Variants in CLSTN2 observed in about 807,000 individuals in gnomAD.
The protein encoded by CLSTN2 is calsyntenin-2.
In CLSTN2, 48 loss-of-function variants were observed where a neutral mutation model predicts 101.2. The observed-to-expected ratio is 0.47, with a 90% confidence interval of 0.38 to 0.60. The LOEUF (loss-of-function observed/expected upper bound fraction) is 0.60. Among genes scored for constraint, CLSTN2 ranks in the 20% least tolerant of loss-of-function variants. The probability of loss-of-function intolerance (pLI) is 0.00; values close to 1 mark genes in which losing one functional copy is unlikely to be tolerated. For synonymous variants in CLSTN2, 481 were observed against 463.6 expected, an observed-to-expected ratio of 1.04 and a Z score of -0.48; for missense variants, 1,160 against 1,238.2, an observed-to-expected ratio of 0.94 and a Z score of 0.95.
At chr3:140,291,633 C>A (rs1208155056) in intron 2 of CLSTN2, among the ~76,000 whole-genome samples, 1 of 151,816 alleles carries the variant, frequency 6.6e-6, no homozygotes, top group Non-Finnish European at 1.5e-5. Context: ...TGGCAACTTC[C>A]CCCATCTCCA....
intron 2 of CLSTN2, among the ~76,000 whole-genome samples, chr3:140,400,901 T>G (rs888712769): frequency 1.3e-5 from 2 of 152,186 alleles, no homozygotes; most frequent in Admixed American, 1.3e-4. Context: ...CACCACATTC[T>G]TAGGGAGGCC....
intron 1 of CLSTN2, among the ~76,000 whole-genome samples, chr3:139,947,565 G>T (rs940095843): frequency 2.0e-5 from 3 of 152,144 alleles, no homozygotes; most frequent in Non-Finnish European, 4.4e-5. Flanking sequence ...GTGGGAGAAT[G>T]GACCATCATT....
intron 1 of CLSTN2, among the ~76,000 whole-genome samples, chr3:140,011,970 C>T (rs2007083906): frequency 6.6e-6 from 1 of 152,106 alleles, no homozygotes; most frequent in South Asian, 2.1e-4. Context: ...CAATACTTCA[C>T]TGGAGAAAAC....
At chr3:140,356,614 C>T (rs1050909645) in intron 2 of CLSTN2, among the ~76,000 whole-genome samples, 5 of 151,702 alleles carry the variant, frequency 3.3e-5, no homozygotes, top group Non-Finnish European at 5.9e-5. Flanking sequence ...AAAAATTAGC[C>T]GAGTGTGGTG....
intron 8 of CLSTN2, among the ~76,000 whole-genome samples, chr3:140,510,112 G>A (rs1447660426): frequency 6.6e-6 from 1 of 152,178 alleles, no homozygotes; most frequent in Non-Finnish European, 1.5e-5. Context: ...AGTATCTCAT[G>A]TAGTTTATTG....
intron 2 of CLSTN2, among the ~76,000 whole-genome samples, chr3:140,342,970 G>A (rs974312796): frequency 9.9e-5 from 15 of 152,224 alleles, no homozygotes; most frequent in Non-Finnish European, 1.9e-4. Flanking sequence ...CCAAGGCTTA[G>A]ATCTCATGTG....
chr3:140,053,508 A>T (rs2008041566), intron 1 of CLSTN2, among the ~76,000 whole-genome samples: 1 of 152,184 alleles, frequency 6.6e-6, no homozygotes, highest in Non-Finnish European at 1.5e-5. Flanking sequence ...AAGGCACCAG[A>T]TGCAGCGTGG....
intron 1 of CLSTN2, among the ~76,000 whole-genome samples, chr3:140,035,310 G>C (rs1576404500): frequency 6.6e-6 from 1 of 152,200 alleles, no homozygotes. Flanking sequence ...AAGTAGCAAT[G>C]GTCTATGGAT....
intron 1 of CLSTN2, among the ~76,000 whole-genome samples, chr3:140,136,355 A>C (rs2009615517): frequency 6.6e-6 from 1 of 152,334 alleles, no homozygotes; most frequent in East Asian, 1.9e-4. Flanking sequence ...AAGCTTTCTG[A>C]ACTTTAAGAG....
intron 2 of CLSTN2, among the ~76,000 whole-genome samples, chr3:140,267,328 C>T (rs780089153): frequency 3.9e-5 from 6 of 152,122 alleles, no homozygotes; most frequent in Non-Finnish European, 7.4e-5. Context: ...GGAGCAAGCC[C>T]ACTCTCTAAA....
chr3:140,393,733 C>A (rs912769423), intron 2 of CLSTN2, among the ~76,000 whole-genome samples: 19 of 152,236 alleles, frequency 1.2e-4, no homozygotes, highest in African/African-American at 4.3e-4. Flanking sequence ...GAGCTGTGGG[C>A]AAATGAGATC....
chr3:140,330,888 G>C (rs1396469454), intron 2 of CLSTN2, among the ~76,000 whole-genome samples: 1 of 152,174 alleles, frequency 6.6e-6, no homozygotes, highest in Non-Finnish European at 1.5e-5. Context: ...TCAGGCACTT[G>C]CTCTGCTCAC....
chr3:140,127,747 T>A (rs2009458634), intron 1 of CLSTN2, among the ~76,000 whole-genome samples: 1 of 152,124 alleles, frequency 6.6e-6, no homozygotes, highest in African/African-American at 2.4e-5. Context: ...ACTGGCCTCA[T>A]GGGGTTGTTG....
intron 1 of CLSTN2, among the ~76,000 whole-genome samples, chr3:139,980,916 C>G (rs1223040144): frequency 1.3e-5 from 2 of 152,084 alleles, no homozygotes; most frequent in African/African-American, 4.8e-5. Flanking sequence ...ACACTGACTT[C>G]CAGCAGCCAT....
At chr3:140,549,308 C>T (rs1198426467) in intron 10 of CLSTN2, among the ~76,000 whole-genome samples, 3 of 150,758 alleles carry the variant, frequency 2.0e-5, no homozygotes, top group South Asian at 2.1e-4. Flanking sequence ...TTTCTAGAGT[C>T]ATCATAGCCT....
At chr3:140,479,893 A>G (rs1344519168) in intron 8 of CLSTN2, among the ~76,000 whole-genome samples, 2 of 152,216 alleles carry the variant, frequency 1.3e-5, no homozygotes, top group African/African-American at 4.8e-5. Flanking sequence ...AATACAAAGA[A>G]AGCAATACCT....
intron 2 of CLSTN2, among the ~76,000 whole-genome samples, chr3:140,378,612 T>C (rs2087945617): frequency 6.6e-6 from 1 of 152,232 alleles, no homozygotes. Flanking sequence ...GATCCTATTG[T>C]TCATCTGAAC....
chr3:140,493,686 G>A (rs1242010482), intron 8 of CLSTN2, among the ~76,000 whole-genome samples: 1 of 152,192 alleles, frequency 6.6e-6, no homozygotes, highest in Non-Finnish European at 1.5e-5. Context: ...CATCACCTAA[G>A]CCTCTCTGTG....
rs1985485610 is a variant in CLSTN2 at position 140,570,311 on chromosome 3, C to A, written c.*4058C>A. 1 of 152,174 alleles carries A rather than the reference C, an allele frequency of 6.6e-6. No homozygotes were observed. The highest frequency in any genetic ancestry group is 1.5e-5 in the Non-Finnish European group (1 of 68,024). The allele number at this position is 152,174 out of a possible 1,614,324, so 9.4% of individuals were successfully genotyped here. A position where few individuals can be genotyped will look rare whatever the true frequency, so the allele number is the denominator to read the frequency against. ...AATGTATAGTTGCAACTGACCTGAA[C>A]ATATTCTTTTTTTCATTATTATTCC... On this transcript the variant is annotated 3_prime_UTR_variant, in exon 17 of 17. Coordinates refer to ENST00000458420, the MANE Select transcript of CLSTN2 (RefSeq NM_022131.3).
Sources: allele counts gnomAD v4.1 joint callset (sites outside exome capture counted in the v4.1 genomes callset), GRCh38; gene constraint gnomAD v4.1.1; transcripts MANE v1.5; gene names NCBI Gene and HGNC (gene_info 2026-07-23, HGNC 2026-07-21).